Variants in KLHL5 observed in about 807,000 individuals in gnomAD.
KLHL5 encodes the protein kelch-like protein 5.
KLHL5 carries 48 observed loss-of-function variants against 77.7 expected under a neutral mutation model. The observed-to-expected ratio is 0.62, with a 90% CI of 0.49 to 0.79. The LOEUF is 0.79. Among genes scored for constraint, KLHL5 ranks in the 30% least tolerant of loss-of-function variants. The pLI, the probability that KLHL5 is intolerant of heterozygous loss-of-function variation, is 0.00. For missense variants in KLHL5, 723 were observed against 859.7 expected (o/e 0.84, Z 1.99); for synonymous variants, 260 against 297.0 (o/e 0.88, Z 1.28).
chr4:39,046,730 T>G (rs571163892), intron 1 of KLHL5, among the ~76,000 whole-genome samples: 1 of 152,194 alleles, frequency 6.6e-6, no homozygotes, highest in Admixed American at 6.5e-5. Context: ...AAAGGAGATA[T>G]GGGATGCAGT....
rs539031124 is a variant in KLHL5, at chr4:39,046,016, C to G, written c.-95+920C>G. Among the ~76,000 whole-genome samples, 47 of 145,224 alleles carry G rather than the reference C, an allele frequency of 3.2e-4. No individual in the cohort carries two copies. In the South Asian group the frequency reaches 9.8e-3, roughly 30 times the overall value. ...CTCTTTTTGGTTATTAGACCTCTGG[C>G]GGCAAAAAACCAATCATGACTTTTT... On this transcript the variant is annotated intron_variant, in intron 1 of 11. Transcript: ENST00000261425.
chr4:39,105,228 C>A (rs116416939), intron 7 of KLHL5, among the ~76,000 whole-genome samples: 4,538 of 151,206 alleles, frequency 0.03, 222 homozygotes, highest in African/African-American at 0.1. Context: ...CTCACTGCAA[C>A]CTCTTCCTCC....
intron 2 of KLHL5, among the ~76,000 whole-genome samples, chr4:39,077,598 T>C (rs956960773): frequency 2.0e-5 from 3 of 151,822 alleles, no homozygotes; most frequent in Non-Finnish European, 4.4e-5. Flanking sequence ...GGCATAGATA[T>C]TGGTGAAAAG....
chr4:39,098,217 C>G (rs189298948), intron 6 of KLHL5, among the ~76,000 whole-genome samples: 1 of 151,568 alleles, frequency 6.6e-6, no homozygotes, highest in Non-Finnish European at 1.5e-5. Flanking sequence ...GGAAGATACA[C>G]TGAGTATTAG....
chr4:39,142,728 G>A, the KLHL5 span, among the ~76,000 whole-genome samples: 1 of 148,008 alleles, frequency 6.8e-6, no homozygotes, highest in Admixed American at 6.8e-5. Context: ...CCATAAAATG[G>A]AACAAACCTT....
intron 5 of KLHL5, chr4:39,093,574 A>C: frequency 2.7e-6 from 1 of 370,602 alleles, no homozygotes; most frequent in South Asian, 2.0e-5. Flanking sequence ...TCTGACCAGA[A>C]AGGTCTTTTT....
intron 5 of KLHL5, among the ~76,000 whole-genome samples, chr4:39,087,066 A>G (rs563996808): frequency 1.1e-4 from 17 of 152,106 alleles, no homozygotes; most frequent in African/African-American, 3.9e-4. Flanking sequence ...GCATGCCACC[A>G]TGCCTGGCTA....
intron 5 of KLHL5, among the ~76,000 whole-genome samples, chr4:39,095,103 T>C (rs1720934602): frequency 6.6e-6 from 1 of 152,112 alleles, no homozygotes; most frequent in East Asian, 1.9e-4. Context: ...AAATAAAGGA[T>C]TAGTGTGTGT....
intron 5 of KLHL5, among the ~76,000 whole-genome samples, chr4:39,091,637 G>A (rs1050195694): frequency 7.3e-5 from 11 of 151,106 alleles, no homozygotes; most frequent in Non-Finnish European, 1.6e-4. Context: ...TTTACCTTTA[G>A]CATTCTTTTA....
chr4:39,050,185 G>A (rs1716529490), intron 1 of KLHL5, among the ~76,000 whole-genome samples: 1 of 152,118 alleles, frequency 6.6e-6, no homozygotes, highest in South Asian at 2.1e-4. Flanking sequence ...TGTAAATGAT[G>A]TGTATACACA....
rs754922893 is a variant in KLHL5 at position 39,122,580 on chromosome 4, C to T, written c.*1514C>T. On this transcript the variant is annotated 3_prime_UTR_variant, in exon 11 of 11. Coordinates refer to ENST00000504108, the MANE Select transcript of KLHL5 (RefSeq NM_015990.5). ...CAGCACTTTGGGAGGCTGAGGTGGGCGGATCACGAGGTCAGGAGATGGAGA... is the reference window on the plus strand; with the variant it reads ...CAGCACTTTGGGAGGCTGAGGTGGGTGGATCACGAGGTCAGGAGATGGAGA... 7.2e-5 allele frequency among the ~76,000 whole-genome samples: 11 copies of T among 152,018 alleles called. No individual in the cohort carries two copies. The highest frequency in any genetic ancestry group is 1.6e-4 in the Non-Finnish European group (11 of 67,970).
Position 39,048,238 on chromosome 4 carries a change from C to T in KLHL5, c.-95+3142C>T, listed in dbSNP as rs149171972. Among the ~76,000 whole-genome samples the T allele has an allele frequency of 2.3e-3, 344 of 152,156 alleles. 2 individuals are homozygous for T. The highest frequency in any genetic ancestry group is 3.6e-3 in the Non-Finnish European group (243 of 67,996). On this transcript the variant is annotated intron_variant, in intron 1 of 11. Transcript: ENST00000261425. ...GAGTTGAGAGAATGAGGTGTTGGTC[C>T]AAAAATTTATCAGAATCCATTCGGT...
chr4:39,048,638 C>CATTT, intron 1 of KLHL5, among the ~76,000 whole-genome samples: 1 of 79,134 alleles, frequency 1.3e-5, no homozygotes, highest in East Asian at 4.6e-4. Flanking sequence ...TTTACATTGG[C>CATTT]TTTTTTTTTT....
intron 9 of KLHL5, among the ~76,000 whole-genome samples, chr4:39,114,468 T>C (rs200762304): frequency 5.7e-5 from 2 of 34,968 alleles, no homozygotes; most frequent in Non-Finnish European, 1.8e-4. Context: ...AATTTCAACG[T>C]TGAGTTTTGG....
chr4:39,087,854 T>C (rs1720191090), intron 5 of KLHL5, among the ~76,000 whole-genome samples: 1 of 152,218 alleles, frequency 6.6e-6, no homozygotes, highest in Non-Finnish European at 1.5e-5. Context: ...GCAGTTATCT[T>C]GAGCATAATG....
At chr4:39,133,997 A>AT in the KLHL5 span, 1 of 152,158 alleles carries the variant, frequency 6.6e-6, no homozygotes, top group Admixed American at 6.5e-5. Context: ...GATGAGAATG[A>AT]GGGAAAAAAC....
chr4:39,134,176 AG>A, the KLHL5 span: 1 of 152,246 alleles, frequency 6.6e-6, no homozygotes, highest in African/African-American at 2.4e-5. Context: ...AGAGCCTCTG[AG>A]AAAGTTTTCT....
chr4:39,052,321 T>C (rs1230280493), intron 1 of KLHL5, among the ~76,000 whole-genome samples: 1 of 151,974 alleles, frequency 6.6e-6, no homozygotes, highest in Non-Finnish European at 1.5e-5. Context: ...GGGGTTTCAC[T>C]ATTGGCCAGG....
chr4:39,091,848 T>TG (rs1720600135), intron 5 of KLHL5, among the ~76,000 whole-genome samples: 7 of 140,870 alleles, frequency 5.0e-5, no homozygotes, highest in Admixed American at 1.4e-4. Context: ...ACTAGTTTTT[T>TG]TTTTTTTTTT....
Sources: allele counts gnomAD v4.1 joint callset (sites outside exome capture counted in the v4.1 genomes callset), GRCh38; gene constraint gnomAD v4.1.1; transcripts MANE v1.5; gene names NCBI Gene and HGNC (gene_info 2026-07-23, HGNC 2026-07-21).